ABL1: variants seen among roughly 807,000 people sequenced by gnomAD.
ABL1 encodes the protein ABL proto-oncogene 1, non-receptor tyrosine kinase.
Under a neutral mutation model 94.7 loss-of-function variants are expected in ABL1, and 11 were observed. The observed-to-expected ratio is 0.12, with a 90% CI of 0.07 to 0.19. ABL1 has a LOEUF of 0.19. Among genes scored for constraint, ABL1 ranks in the 10% least tolerant of loss-of-function variants. The pLI is 1.00. For missense variants in ABL1, 1,082 were observed against 1,489.4 expected, an observed-to-expected ratio of 0.73 and a Z score of 4.50; for synonymous variants, 656 against 622.4, an observed-to-expected ratio of 1.05 and a Z score of -0.80.
At chr9:130,723,551 G>A (rs1388335813) in intron 1 of ABL1, among the ~76,000 whole-genome samples, 3 of 151,834 alleles carry the variant, frequency 2.0e-5, no homozygotes, top group South Asian at 2.1e-4. Flanking sequence ...TCCTTTAAAA[G>A]TAAAAAACAA....
At chr9:130,848,973 A>G (rs1830817385) in intron 1 of ABL1, among the ~76,000 whole-genome samples, 1 of 151,968 alleles carries the variant, frequency 6.6e-6, no homozygotes, top group Admixed American at 6.6e-5. Flanking sequence ...AATTTAAAGC[A>G]CTTAAAATCC....
At chr9:130,772,662 A>C (rs1318403942) in intron 1 of ABL1, among the ~76,000 whole-genome samples, 1 of 152,162 alleles carries the variant, frequency 6.6e-6, no homozygotes, top group East Asian at 1.9e-4. Flanking sequence ...TGTTGAAAAG[A>C]GGAAAGTGTA....
intron 1 of ABL1, among the ~76,000 whole-genome samples, chr9:130,752,913 C>T (rs912042909): frequency 5.4e-5 from 8 of 149,146 alleles, no homozygotes; most frequent in Admixed American, 6.7e-5. Context: ...GAGCCAAGAT[C>T]GCGCCATTGC....
At chr9:130,757,735 G>GTT (rs1212261254) in intron 1 of ABL1, among the ~76,000 whole-genome samples, 3 of 151,808 alleles carry the variant, frequency 2.0e-5, no homozygotes, top group African/African-American at 7.3e-5. Flanking sequence ...TAGAGATGGG[G>GTT]TTTCACTGTG....
chr9:130,843,573 G>GCAGGGT, intron 1 of ABL1, among the ~76,000 whole-genome samples: 1 of 152,240 alleles, frequency 6.6e-6, no homozygotes, highest in South Asian at 2.1e-4. Context: ...ATTGCTTACT[G>GCAGGGT]GGTGATAGAT....
chr9:130,879,972 A>G, intron 8 of ABL1, 96 bp from the exon 9 acceptor site: 1 of 1,122,364 alleles, frequency 8.9e-7, no homozygotes, highest in South Asian at 1.3e-5. Context: ...CAGGATTGGA[A>G]TGTTGCTTTC....
At chr9:130,875,967 A>G (rs1831334570) in intron 7 of ABL1, among the ~76,000 whole-genome samples, 1 of 152,144 alleles carries the variant, frequency 6.6e-6, no homozygotes, top group African/African-American at 2.4e-5. Context: ...AGCTGGGATT[A>G]TAGGCGCATG....
intron 1 of ABL1, among the ~76,000 whole-genome samples, chr9:130,739,787 G>C (rs1831793491): frequency 6.6e-6 from 1 of 152,122 alleles, no homozygotes; most frequent in Non-Finnish European, 1.5e-5. Flanking sequence ...AGTGGCTCAC[G>C]CTGCAATTTC....
intron 8 of ABL1, 111 bp from the exon 9 acceptor site, chr9:130,879,957 G>A: frequency 1.0e-6 from 1 of 989,586 alleles, no homozygotes; most frequent in East Asian, 2.4e-5. Context: ...GCAAAAGATG[G>A]TTAGCAGGAT....
chr9:130,741,612 A>G lies in ABL1; in HGVS notation c.136+27157A>G, dbSNP rs116281373. On this transcript the variant is annotated intron_variant, in intron 1 of 10. Coordinates refer to the ABL1 transcript ENST00000372348. ...CAGTTACAGCACTGGTATACCAGTTACCATGCCGGAGTAACAGTTACTGCA... is the reference window on the plus strand; with the variant it reads ...CAGTTACAGCACTGGTATACCAGTTGCCATGCCGGAGTAACAGTTACTGCA... 8.4e-3 allele frequency among the ~76,000 whole-genome samples: 1,274 copies of G among 151,958 alleles called. 26 individuals are homozygous for G. The highest frequency in any genetic ancestry group is 0.03 in the African/African-American group (1,236 of 41,386).
At chr9:130,842,330 G>A (rs962861719) in intron 1 of ABL1, among the ~76,000 whole-genome samples, 3 of 152,202 alleles carry the variant, frequency 2.0e-5, no homozygotes, top group Non-Finnish European at 4.4e-5. Context: ...CACTTGATAC[G>A]GGATCAGTAA....
At chr9:130,724,814 CT>C in intron 1 of ABL1, 1 of 491,964 alleles carries the variant, frequency 2.0e-6, no homozygotes, top group Non-Finnish European at 4.0e-6. Flanking sequence ...AACAGCTGCC[CT>C]TTTGGGTTTA....
At position 130,862,149 on chromosome 9, in the gene ABL1, C is replaced by T. The variant is rs943132313; in HGVS notation, c.550-614C>T. Among the ~76,000 whole-genome samples the T allele has an allele frequency of 2.0e-5, 3 of 152,190 alleles. No homozygotes were observed. The highest frequency in any genetic ancestry group is 2.9e-5 in the Non-Finnish European group (2 of 68,042). ...TAAATTATAAATTAAATGAATTCTT[C>T]GCTTTTCCTACCAGCAACTACCCAC... On this transcript the variant is annotated intron_variant, in intron 3 of 10. Transcript: ENST00000318560. This position sits in a 1 kb window ranked among gnomAD's most constrained non-coding sequence, Gnocchi z 5.5.
intron 1 of ABL1, among the ~76,000 whole-genome samples, chr9:130,721,116 C>T (rs886986180): frequency 1.3e-5 from 2 of 152,234 alleles, no homozygotes; most frequent in South Asian, 2.1e-4. Flanking sequence ...CTGTGACTCA[C>T]GCCTGTCATC....
chr9:130,881,365 A>T (rs1831449633), intron 10 of ABL1, among the ~76,000 whole-genome samples: 1 of 152,184 alleles, frequency 6.6e-6, no homozygotes, highest in Non-Finnish European at 1.5e-5. Context: ...TAATAAAGGT[A>T]TACCCAAGAC....
At chr9:130,761,577 G>A (rs1253441063) in intron 1 of ABL1, among the ~76,000 whole-genome samples, 1 of 152,182 alleles carries the variant, frequency 6.6e-6, no homozygotes, top group Non-Finnish European at 1.5e-5. Context: ...ATCGAAAGCT[G>A]TTGACCTTCA....
At chr9:130,852,749 C>T (rs1473292573) in intron 1 of ABL1, among the ~76,000 whole-genome samples, 1 of 152,080 alleles carries the variant, frequency 6.6e-6, no homozygotes, top group African/African-American at 2.4e-5. Flanking sequence ...AATATTCACA[C>T]ATTTTCTAAT....
chr9:130,771,600 A>G (rs1043022018), intron 1 of ABL1, among the ~76,000 whole-genome samples: 1 of 152,018 alleles, frequency 6.6e-6, no homozygotes. Flanking sequence ...TATCATAGGT[A>G]TTTATCCTTC....
At chr9:130,767,067 C>T (rs963025986) in intron 1 of ABL1, among the ~76,000 whole-genome samples, 1 of 152,152 alleles carries the variant, frequency 6.6e-6, no homozygotes, top group Non-Finnish European at 1.5e-5. Flanking sequence ...CTTCACTCAG[C>T]TTCTGGTGCC....
Sources: allele counts gnomAD v4.1 joint callset (sites outside exome capture counted in the v4.1 genomes callset), GRCh38; gene constraint gnomAD v4.1.1; non-coding constraint Gnocchi (gnomAD v3.1); transcripts MANE v1.5; gene names NCBI Gene and HGNC (gene_info 2026-07-23, HGNC 2026-07-21).